NUP50: variants seen among roughly 807,000 people sequenced by gnomAD.
NUP50 encodes the protein nuclear pore complex protein Nup50.
In NUP50, 14 loss-of-function variants were observed where a neutral mutation model predicts 36.8. That is an observed-to-expected ratio of 0.38 (90% CI 0.25 to 0.59). NUP50 has a LOEUF of 0.59. Ranked by LOEUF, NUP50 falls within the 20% of genes least tolerant of loss-of-function variation. The probability of loss-of-function intolerance (pLI) is 0.63; values close to 1 mark genes in which losing one functional copy is unlikely to be tolerated. For synonymous variants in NUP50, 195 were observed against 210.8 expected, an observed-to-expected ratio of 0.93 and a Z score of 0.65; for missense variants, 455 against 564.6, an observed-to-expected ratio of 0.81 and a Z score of 1.97.
intron 1 of NUP50, among the ~76,000 whole-genome samples, chr22:45,166,905 G>A (rs1488944641): frequency 1.3e-5 from 2 of 151,940 alleles, no homozygotes; most frequent in African/African-American, 4.8e-5. Context: ...CAGAAAAATA[G>A]CATAAACTTA....
At chr22:45,180,016 C>T (rs2074340997) in intron 5 of NUP50, among the ~76,000 whole-genome samples, 1 of 152,212 alleles carries the variant, frequency 6.6e-6, no homozygotes, top group Non-Finnish European at 1.5e-5. Context: ...TTTGCCTTGC[C>T]CTGCTTTCAA....
In NUP50 at chr22:45,176,939, AC is replaced by A. The variant is rs565111277; in HGVS notation, c.340+861del. 7.2e-5 allele frequency among the ~76,000 whole-genome samples: 11 copies of A among 152,080 alleles called. No homozygotes were observed. The East Asian group carries it at 2.1e-3, about 30-fold the overall frequency. The stretch of plus-strand genomic sequence containing the variant: ...GTAATTTTAGTAGAGACGGGGTTTC[AC>A]CATGTTGGCCAGGATGGTCTTGATC... On this transcript the variant is annotated intron_variant, in intron 4 of 7. Transcript: ENST00000347635.
At chr22:45,171,543 G>A in intron 2 of NUP50, 57 bp from the exon 3 acceptor site, 1 of 1,450,532 alleles carries the variant, frequency 6.9e-7, no homozygotes, top group Non-Finnish European at 9.7e-7. Context: ...TGTTGTTGAG[G>A]ATTTTGTCAT....
At chr22:45,180,715 G>A (rs1387020837) in intron 5 of NUP50, among the ~76,000 whole-genome samples, 1 of 152,092 alleles carries the variant, frequency 6.6e-6, no homozygotes, top group East Asian at 1.9e-4. Context: ...GGTCTCCCGT[G>A]TTTGGGAGAC....
intron 1 of NUP50, among the ~76,000 whole-genome samples, chr22:45,167,486 C>A (rs1001616423): frequency 6.6e-6 from 1 of 152,158 alleles, no homozygotes; most frequent in Non-Finnish European, 1.5e-5. Flanking sequence ...TCCACTAATG[C>A]CATCGTATTG....
chr22:45,176,910 T>G (rs1214512918), intron 4 of NUP50, among the ~76,000 whole-genome samples: 1 of 151,972 alleles, frequency 6.6e-6, no homozygotes. Flanking sequence ...CCCAGCTAAT[T>G]TTTGTAATTT....
Position 45,178,873 on chromosome 22 carries a change from G to A in NUP50, c.976G>A (p.Ala326Thr), listed in dbSNP as rs1472657382. Residue 326 changes from alanine (A) to threonine (T), a missense_variant, in exon 5 of 8, where the codon GCA becomes ACA. Ala to Thr is a moderately conservative substitution (Grantham distance 58). This residue lies in a region of NUP50 where 287 missense variants were observed against 345.5 expected (regional missense o/e 0.83). Coordinates refer to ENST00000347635, the MANE Select transcript of NUP50 (RefSeq NM_007172.4). ...TCCCACTAAACCATTGGAGGGCCAAGCAGAAGGTGACAGTGGTGAATGCAA... is the reference window on the plus strand; with the variant it reads ...TCCCACTAAACCATTGGAGGGCCAAACAGAAGGTGACAGTGGTGAATGCAA... ...PFPTKPLEGQ[A>T]EGDSGECKGG... 1.1e-5 allele frequency: 18 copies of A among 1,613,352 alleles called. No homozygotes were observed. The highest frequency in any genetic ancestry group is 1.3e-5 in the Non-Finnish European group (15 of 1,179,670).
At chr22:45,177,728 T>TAA (rs2074298758) in intron 4 of NUP50, 1 of 152,962 alleles carries the variant, frequency 6.5e-6, no homozygotes, top group African/African-American at 2.4e-5. Flanking sequence ...ATATGGTGGT[T>TAA]AGTGTTCTTG....
In NUP50 at chr22:45,173,113, G is replaced by A. The variant is rs1041766646; in HGVS notation, c.153+1430G>A. ...TCTTTCATGTAGAATTCAGGTTAAC[G>A]GGTTGCACTGCCAAGAAAGGAAGTA... On this transcript the variant is annotated intron_variant, in intron 3 of 7. Coordinates refer to ENST00000347635, the MANE Select transcript of NUP50 (RefSeq NM_007172.4). 1.2e-4 allele frequency among the ~76,000 whole-genome samples: 18 copies of A among 152,100 alleles called. No individual in the cohort carries two copies. The East Asian group carries it at 1.9e-3, about 16-fold the overall frequency.
intron 7 of NUP50, 24 bp downstream of exon 7, chr22:45,183,544 A>G (rs766137434): frequency 7.5e-7 from 1 of 1,338,654 alleles, no homozygotes; most frequent in East Asian, 2.3e-5. Flanking sequence ...TTCAGTTAGC[A>G]CAAAATCATC....
intron 4 of NUP50, among the ~76,000 whole-genome samples, chr22:45,176,831 C>T (rs1397977822): frequency 2.0e-5 from 3 of 152,156 alleles, no homozygotes; most frequent in Admixed American, 6.5e-5. Context: ...CAGCCTCCGC[C>T]TCTGGGTTTA....
rs565817077 is a variant in NUP50 at position 45,167,384 on chromosome 22, T to C, written c.-10-784T>C. On this transcript the variant is annotated intron_variant, in intron 1 of 7. Transcript: ENST00000347635. ...TATGATATTAAGATCAGAAAACAAA[T>C]CGTAAATTTTAAGGGATGGACAGGA... 2.0e-4 allele frequency among the ~76,000 whole-genome samples: 31 copies of C among 152,282 alleles called. No homozygotes were observed. In the South Asian group the frequency reaches 6.2e-3, roughly 30 times the overall value.
intron 5 of NUP50, 81 bp from the exon 6 acceptor site, chr22:45,181,205 G>T: frequency 1.2e-6 from 1 of 863,108 alleles, no homozygotes; most frequent in South Asian, 1.6e-5. Context: ...TGGAGGTTTA[G>T]GGTGTTACGT....
intron 2 of NUP50, 24 bp from the exon 3 acceptor site, chr22:45,171,575 CT>C (rs1319681932): frequency 6.3e-6 from 10 of 1,595,150 alleles, no homozygotes; most frequent in African/African-American, 1.3e-5. Flanking sequence ...TATCTTACTG[CT>C]GCTTAATTTG....
In NUP50 at chr22:45,184,539, A is replaced by G; in HGVS notation, c.1291A>G (p.Asn431Asp). 2 of 1,613,332 alleles carry G rather than the reference A, an allele frequency of 1.2e-6. No individual in the cohort carries two copies. The highest frequency in any genetic ancestry group is 8.5e-7 in the Non-Finnish European group (1 of 1,179,280). The change falls in exon 8 of 8, where the codon AAT (asparagine) becomes GAT (aspartate). Residue 431 changes from asparagine (N) to aspartate (D), a missense_variant. Around this residue, in one of 3 missense-constraint regions of NUP50, gnomAD observed 287 missense variants for 345.5 expected, o/e 0.83. Transcript: ENST00000347635. Reference sequence around the variant, plus strand: ...TAACGTTCTTATCGTCTGTGTTCCAAATCCACCAATTGACGAGAAGAATGC... The same window carrying G: ...TAACGTTCTTATCGTCTGTGTTCCAGATCCACCAATTGACGAGAAGAATGC... ...KNNVLIVCVPNPPIDEKNATM... is the reference protein window; with the variant it reads ...KNNVLIVCVPDPPIDEKNATM...
At position 45,181,467 on chromosome 22, in the gene NUP50, C is replaced by T. The variant is rs139382512; in HGVS notation, c.1085+100C>T. The T allele has an allele frequency of 1.2e-3, 765 of 647,728 alleles. 4 individuals carry two copies. The African/African-American group carries it at 0.014, about 12-fold the overall frequency. The allele number at this position is 647,728 out of a possible 1,614,324, so 40.1% of individuals were successfully genotyped here. A position where few individuals can be genotyped will look rare whatever the true frequency, so the allele number is the denominator to read the frequency against. On this transcript the variant is annotated intron_variant, in intron 6 of 7. Coordinates refer to ENST00000347635, the MANE Select transcript of NUP50 (RefSeq NM_007172.4). ...CACGGCACTTGACTGAGCTTCCAGT[C>T]TCGGGGTCAAGCTTTGCCTGCTCTC...
At chr22:45,171,833 G>T in intron 3 of NUP50, 150 bp downstream of exon 3, 1 of 624,252 alleles carries the variant, frequency 1.6e-6, no homozygotes. Flanking sequence ...AAAAAAATAA[G>T]AAACGTCAGG....
chr22:45,181,017 C>T (rs2074360833), intron 5 of NUP50, among the ~76,000 whole-genome samples: 1 of 150,964 alleles, frequency 6.6e-6, no homozygotes, highest in African/African-American at 2.4e-5. Context: ...GAGATTTTTC[C>T]ATTTTAAGGT....
intron 3 of NUP50, chr22:45,172,134 T>C (rs534937372): frequency 6.3e-6 from 1 of 158,272 alleles, no homozygotes; most frequent in South Asian, 1.8e-4. Flanking sequence ...CTAAGAAGGA[T>C]GGAAGATGAG....
Sources: gnomAD v4.1 joint callset for allele counts (sites outside exome capture counted in the v4.1 genomes callset) on GRCh38, gnomAD v4.1.1 for gene constraint, gnomAD v4.1.1 regional missense constraint, MANE v1.5 for transcripts, NCBI Gene and HGNC (gene_info 2026-07-23, HGNC 2026-07-21) for gene names.